PRKCE: variants seen among roughly 807,000 people sequenced by gnomAD.
PRKCE encodes the protein protein kinase C epsilon type.
In PRKCE, 16 loss-of-function variants were observed where a neutral mutation model predicts 85.4. The observed-to-expected ratio is 0.19, with a 90% CI of 0.13 to 0.28. PRKCE has a LOEUF of 0.28. Ranked by LOEUF, PRKCE falls within the 10% of genes least tolerant of loss-of-function variation. The probability of loss-of-function intolerance (pLI) is 1.00; values close to 1 mark genes in which losing one functional copy is unlikely to be tolerated. For missense variants in PRKCE, 573 were observed against 975.2 expected (o/e 0.59, Z 5.49); for synonymous variants, 388 against 371.5 (o/e 1.04, Z -0.51).
intron 1 of PRKCE, among the ~76,000 whole-genome samples, chr2:45,810,846 C>T (rs1688607693): frequency 6.6e-6 from 1 of 152,214 alleles, no homozygotes. Context: ...AGTATTTGTT[C>T]ACTCACAGAA....
intron 2 of PRKCE, among the ~76,000 whole-genome samples, chr2:45,868,968 A>AG (rs762269193): frequency 1.3e-3 from 201 of 151,366 alleles, no homozygotes; most frequent in South Asian, 4.2e-3. Flanking sequence ...AAAAAAAAAA[A>AG]AAAAAGAAAA....
chr2:45,749,853 T>A (rs555654237), intron 1 of PRKCE, among the ~76,000 whole-genome samples: 50 of 152,324 alleles, frequency 3.3e-4, no homozygotes, highest in African/African-American at 1.2e-3. Context: ...GGACATAGGT[T>A]GATAAACTAA....
intron 2 of PRKCE, among the ~76,000 whole-genome samples, chr2:45,866,626 A>T (rs1200875467): frequency 1.3e-5 from 2 of 152,332 alleles, no homozygotes; most frequent in East Asian, 3.9e-4. Context: ...CTTCAGACTA[A>T]CAATGGCGGG....
intron 1 of PRKCE, among the ~76,000 whole-genome samples, chr2:45,771,169 G>C (rs900298622): frequency 6.6e-6 from 1 of 152,150 alleles, no homozygotes; most frequent in Non-Finnish European, 1.5e-5. Context: ...ACTCCTCCCA[G>C]GCTGAGATTC....
intron 1 of PRKCE, among the ~76,000 whole-genome samples, chr2:45,803,265 C>CT (rs1688008269): frequency 6.6e-6 from 1 of 152,192 alleles, no homozygotes; most frequent in Admixed American, 6.5e-5. Flanking sequence ...ATGATCTGGT[C>CT]TTTTAGCCGT....
intron 10 of PRKCE, among the ~76,000 whole-genome samples, chr2:46,063,499 G>A (rs1036883074): frequency 2.0e-5 from 3 of 152,148 alleles, no homozygotes; most frequent in Admixed American, 1.3e-4. Context: ...GAACTTTTGA[G>A]CACAGACTCC....
At chr2:46,025,975 G>A (rs866444898) in intron 10 of PRKCE, among the ~76,000 whole-genome samples, 3 of 152,166 alleles carry the variant, frequency 2.0e-5, no homozygotes, top group South Asian at 2.1e-4. Flanking sequence ...CCTGGTAGAC[G>A]CCATAGGCAG....
chr2:45,699,482 C>T (rs1211016540), intron 1 of PRKCE, among the ~76,000 whole-genome samples: 1 of 152,088 alleles, frequency 6.6e-6, no homozygotes, highest in Non-Finnish European at 1.5e-5. Flanking sequence ...AAGGAATAGC[C>T]AGATTGCTTC....
chr2:45,809,060 G>A (rs1456493890), intron 1 of PRKCE, among the ~76,000 whole-genome samples: 4 of 152,044 alleles, frequency 2.6e-5, no homozygotes, highest in African/African-American at 7.3e-5. Context: ...GGTATGGGCC[G>A]GTGAGGAAGC....
At chr2:45,835,389 T>C (rs1207401109) in intron 1 of PRKCE, among the ~76,000 whole-genome samples, 1 of 152,170 alleles carries the variant, frequency 6.6e-6, no homozygotes, top group African/African-American at 2.4e-5. Context: ...TAGAGAAAAC[T>C]CCCGTCACCC....
chr2:46,151,279 CTA>C lies in PRKCE; in HGVS notation c.1920+51_1920+52del, dbSNP rs1491164812. On this transcript the variant is annotated intron_variant, in intron 13 of 14. Coordinates refer to ENST00000306156, the MANE Select transcript of PRKCE (RefSeq NM_005400.3). ...GCTGTGCTCTCCTGGGCTCCTCCCC[CTA>C]CACACACACACACACACACACACAC... The C allele has an allele frequency of 4.9e-6, 5 of 1,010,590 alleles. No homozygotes were observed. In the South Asian group the frequency reaches 6.0e-5, roughly 12 times the overall value. 62.6% of individuals were successfully genotyped at this position (1,010,590 alleles called of 1,614,324 possible).
intron 6 of PRKCE, among the ~76,000 whole-genome samples, chr2:45,994,195 A>G (rs964871836): frequency 6.6e-6 from 1 of 151,880 alleles, no homozygotes; most frequent in Non-Finnish European, 1.5e-5. Flanking sequence ...TTTTCCACAA[A>G]CCTTCTGCCT....
intron 1 of PRKCE, among the ~76,000 whole-genome samples, chr2:45,734,154 C>T (rs912956458): frequency 1.3e-5 from 2 of 152,104 alleles, no homozygotes; most frequent in Admixed American, 1.3e-4. Flanking sequence ...ATCATGAGGT[C>T]AATAGATTGA....
chr2:45,690,405 G>T (rs1677637625), intron 1 of PRKCE, among the ~76,000 whole-genome samples: 1 of 152,186 alleles, frequency 6.6e-6, no homozygotes, highest in African/African-American at 2.4e-5. Context: ...CAAAGCAGGG[G>T]CTGAAAACAC....
chr2:45,725,840 C>CA (rs1681024244), intron 1 of PRKCE, among the ~76,000 whole-genome samples: 1 of 139,108 alleles, frequency 7.2e-6, no homozygotes. Context: ...AAAAAAAAAA[C>CA]AAAAAACCGC....
chr2:46,098,734 GT>G (rs1670936095), intron 11 of PRKCE, among the ~76,000 whole-genome samples: 1 of 152,206 alleles, frequency 6.6e-6, no homozygotes, highest in South Asian at 2.1e-4. Flanking sequence ...CCAAGGCTTA[GT>G]CATATGATTT....
chr2:45,829,026 GTT>G (rs61186243), intron 1 of PRKCE, among the ~76,000 whole-genome samples: 10 of 151,844 alleles, frequency 6.6e-5, no homozygotes, highest in East Asian at 1.9e-4. Context: ...AATTCAACAA[GTT>G]TTTTTTTTCA....
At chr2:45,976,382 G>A (rs758800793) in intron 2 of PRKCE, 47 bp from the exon 3 acceptor site, 36 of 1,579,772 alleles carry the variant, frequency 2.3e-5, no homozygotes, top group Middle Eastern at 1.7e-4. Context: ...TTTTGAAGGT[G>A]CACTAACCCA....
chr2:46,134,343 C>G (rs930255963), intron 11 of PRKCE, among the ~76,000 whole-genome samples: 2 of 152,188 alleles, frequency 1.3e-5, no homozygotes, highest in African/African-American at 4.8e-5. Flanking sequence ...GTTCCTCTGG[C>G]CTTCTAGCCT....
Sources: allele counts gnomAD v4.1 joint callset (sites outside exome capture counted in the v4.1 genomes callset), GRCh38; gene constraint gnomAD v4.1.1; transcripts MANE v1.5; gene names NCBI Gene and HGNC (gene_info 2026-07-23, HGNC 2026-07-21).